Variants in CAPZA2 observed in about 807,000 individuals in gnomAD.
CAPZA2 encodes the protein F-actin-capping protein subunit alpha-2.
In CAPZA2, 13 loss-of-function variants were observed where a neutral mutation model predicts 44.0. The ratio of observed to expected loss-of-function variants is 0.30; its 90% CI spans 0.19 to 0.47. CAPZA2 has a LOEUF of 0.47. Among genes scored for constraint, CAPZA2 ranks in the 20% least tolerant of loss-of-function variants. CAPZA2 has a pLI of 1.00. For missense variants in CAPZA2, 244 were observed against 338.6 expected, an observed-to-expected ratio of 0.72 and a Z score of 2.19; for synonymous variants, 94 against 108.2, an observed-to-expected ratio of 0.87 and a Z score of 0.81.
chr7:116,893,194 G>C (rs549696008), intron 3 of CAPZA2, 149 bp downstream of exon 3: 11 of 469,248 alleles, frequency 2.3e-5, no homozygotes, highest in Non-Finnish European at 1.1e-5. Flanking sequence ...TCAGTGGTGC[G>C]ATCTCGGCTC....
intron 6 of CAPZA2, chr7:116,909,915 T>C (rs1239686653): frequency 3.7e-6 from 1 of 270,696 alleles, no homozygotes; most frequent in Non-Finnish European, 7.1e-6. Context: ...AAGAAACCTG[T>C]AACTGATTGT....
intron 1 of CAPZA2, among the ~76,000 whole-genome samples, chr7:116,865,856 C>T (rs539224666): frequency 1.2e-4 from 18 of 152,262 alleles, no homozygotes; most frequent in South Asian, 4.1e-4. Flanking sequence ...GCTGGGATTA[C>T]GGGCATGAGC....
intron 7 of CAPZA2, 58 bp from the exon 8 acceptor site, chr7:116,912,011 G>T: frequency 5.6e-6 from 9 of 1,601,248 alleles, no homozygotes; most frequent in Non-Finnish European, 7.7e-6. Flanking sequence ...GCTTGTTGAC[G>T]CAATAAGGTT....
At chr7:116,913,032 T>C (rs1033226384) in intron 8 of CAPZA2, among the ~76,000 whole-genome samples, 6 of 152,238 alleles carry the variant, frequency 3.9e-5, no homozygotes, top group Non-Finnish European at 5.9e-5. Flanking sequence ...TTGATGCTAA[T>C]GATTTTGAGC....
Position 116,916,087 on chromosome 7 carries a change from A to G in CAPZA2, c.685A>G (p.Ile229Val). 6.5e-7 allele frequency: 1 copy of G among 1,529,602 alleles called. No individual in the cohort carries two copies. The highest frequency in any genetic ancestry group is 1.3e-5 in the South Asian group (1 of 77,852). 94.8% of individuals were successfully genotyped at this position (1,529,602 alleles called of 1,614,324 possible). ...TGAAGTGCAAACAGCAAAAGAATTT[A>G]TAAAGATTGTAGAAGCTGCAGAAAA... ...SNEVQTAKEF[I>V]KIVEAAENEY... Residue 229 changes from isoleucine to valine, a missense_variant, in exon 9 of 10, where the codon ATA (isoleucine) becomes GTA (valine). Ile to Val is a conservative substitution (Grantham distance 29, BLOSUM62 3). Transcript: ENST00000361183.
intron 2 of CAPZA2, among the ~76,000 whole-genome samples, 175 bp from the exon 3 acceptor site, chr7:116,892,819 C>CTT (rs59213951): frequency 0.22 from 31,313 of 139,564 alleles, 3,499 homozygotes; most frequent in East Asian, 0.41. Flanking sequence ...TAACCAAAAC[C>CTT]TTTTTTTTTT....
At position 116,898,819 on chromosome 7, in the gene CAPZA2, A is replaced by G; in HGVS notation, c.203A>G (p.Glu68Gly). 6.3e-7 allele frequency: 1 copy of G among 1,590,960 alleles called. No homozygotes were observed. The change falls in exon 4 of 10, where the codon GAA (glutamate) becomes GGA (glycine). Residue 68 changes from glutamate (E) to glycine (G), a missense_variant. Coordinates refer to ENST00000361183, the MANE Select transcript of CAPZA2 (RefSeq NM_006136.3). ...NLDQFTPVKI[E>G]GYEDQVLITE... The stretch of plus-strand genomic sequence containing the variant: ...GACCAGTTTACTCCAGTAAAAATTG[A>G]AGGTTATGAAGATCAGGTATGTTTC...
intron 6 of CAPZA2, among the ~76,000 whole-genome samples, chr7:116,907,829 C>A (rs10274093): frequency 7.9e-5 from 12 of 152,124 alleles, no homozygotes; most frequent in Non-Finnish European, 1.5e-4. Context: ...GTAATTTTTC[C>A]TAAGCCATCA....
At chr7:116,884,828 C>G (rs1219767512) in intron 1 of CAPZA2, among the ~76,000 whole-genome samples, 1 of 152,176 alleles carries the variant, frequency 6.6e-6, no homozygotes, top group African/African-American at 2.4e-5. Context: ...AATGGCCAAA[C>G]TGTTTTCCAT....
At chr7:116,915,075 C>T (rs376218968) in intron 8 of CAPZA2, among the ~76,000 whole-genome samples, 1 of 151,912 alleles carries the variant, frequency 6.6e-6, no homozygotes. Flanking sequence ...GTCAGGAGTG[C>T]GAGACCAGCC....
At position 116,919,736 on chromosome 7, in the gene CAPZA2, G is replaced by A. The variant is rs981419401; in HGVS notation, c.*1869G>A. 1 of 151,768 alleles carries A rather than the reference G, an allele frequency of 6.6e-6. No individual in the cohort carries two copies. Among genetic ancestry groups the A allele is most frequent in the Non-Finnish European group, 1.5e-5 (1 of 68,034 alleles). The allele number at this position is 151,768 out of a possible 1,614,324, so 9.4% of individuals were successfully genotyped here. A position where few individuals can be genotyped will look rare whatever the true frequency, so the allele number is the denominator to read the frequency against. On this transcript the variant is annotated 3_prime_UTR_variant, in exon 10 of 10. Transcript: ENST00000361183. The stretch of plus-strand genomic sequence containing the variant: ...AAAAATTAGCCGGGTGTGGTGACAG[G>A]CGCTTGTAGTCCCAGCTACTCGGGA...
At chr7:116,880,162 C>G (rs1393251224) in intron 1 of CAPZA2, 1 of 460,308 alleles carries the variant, frequency 2.2e-6, no homozygotes, top group Non-Finnish European at 4.4e-6. Flanking sequence ...ATATATTTAA[C>G]CATAGATGCC....
At chr7:116,897,361 T>G (rs1035307598) in intron 3 of CAPZA2, among the ~76,000 whole-genome samples, 54 of 152,214 alleles carry the variant, frequency 3.5e-4, no homozygotes, top group African/African-American at 1.3e-3. Flanking sequence ...TTTCTCACCC[T>G]TGTACACTTC....
At position 116,918,382 on chromosome 7, in the gene CAPZA2, C is replaced by G. The variant is rs1361559365; in HGVS notation, c.*515C>G. 1 of 153,482 alleles carries G rather than the reference C, an allele frequency of 6.5e-6. No homozygotes were observed. Among genetic ancestry groups the G allele is most frequent in the African/African-American group, 2.4e-5 (1 of 41,422 alleles). 9.5% of individuals were successfully genotyped at this position (153,482 alleles called of 1,614,324 possible). A position where few individuals can be genotyped will look rare whatever the true frequency, so the allele number is the denominator to read the frequency against. ...GTTGAGATTAGAGGGAAAGCATTTTCTATATCAATTGTGTTTAAACCTTTC... is the reference window on the plus strand; with the variant it reads ...GTTGAGATTAGAGGGAAAGCATTTTGTATATCAATTGTGTTTAAACCTTTC... On this transcript the variant is annotated 3_prime_UTR_variant, in exon 10 of 10. Coordinates refer to ENST00000361183, the MANE Select transcript of CAPZA2 (RefSeq NM_006136.3).
At chr7:116,899,377 C>G (rs1796966507) in intron 4 of CAPZA2, among the ~76,000 whole-genome samples, 1 of 151,614 alleles carries the variant, frequency 6.6e-6, no homozygotes, top group Non-Finnish European at 1.5e-5. Context: ...ATGTAAAACA[C>G]TATGAAGAAG....
chr7:116,896,809 G>A (rs1796934399), intron 3 of CAPZA2, among the ~76,000 whole-genome samples: 1 of 152,246 alleles, frequency 6.6e-6, no homozygotes, highest in South Asian at 2.1e-4. Context: ...AAGGAATGAT[G>A]AGTGGGTGCA....
intron 1 of CAPZA2, among the ~76,000 whole-genome samples, chr7:116,872,868 T>C (rs563097416): frequency 6.6e-6 from 1 of 152,324 alleles, no homozygotes; most frequent in East Asian, 1.9e-4. Flanking sequence ...AAATTTTACA[T>C]CTGAAGTCCC....
Position 116,910,001 on chromosome 7 carries a change from CA to C in CAPZA2, c.507-231del. On this transcript the variant is annotated intron_variant, in intron 6 of 9. Coordinates refer to ENST00000361183, the MANE Select transcript of CAPZA2 (RefSeq NM_006136.3). ...TTAAGCCTTAGCTTTAGAATTCTGG[CA>C]TTAAATCCATTATGTAAGTTCTTTC... The C allele has an allele frequency of 6.1e-6, 3 of 493,660 alleles. No individual in the cohort carries two copies. The East Asian group carries it at 1.1e-4, about 19-fold the overall frequency. 30.6% of individuals were successfully genotyped at this position (493,660 alleles called of 1,614,324 possible).
At chr7:116,883,194 T>A (rs767128603) in intron 1 of CAPZA2, among the ~76,000 whole-genome samples, 22 of 152,362 alleles carry the variant, frequency 1.4e-4, no homozygotes, top group South Asian at 2.1e-4. Context: ...TTACCCTCCA[T>A]GTTTGTTAGA....
Sources: gnomAD v4.1 joint callset for allele counts (sites outside exome capture counted in the v4.1 genomes callset) on GRCh38, gnomAD v4.1.1 for gene constraint, MANE v1.5 for transcripts, NCBI Gene and HGNC (gene_info 2026-07-23, HGNC 2026-07-21) for gene names.